Variants in EIF2AK1 observed in about 807,000 individuals in gnomAD.
EIF2AK1 encodes the protein eukaryotic translation initiation factor 2-alpha kinase 1.
A neutral mutation model predicts 77.9 loss-of-function variants in EIF2AK1; 54 were observed. The ratio of observed to expected loss-of-function variants is 0.69; its 90% CI spans 0.56 to 0.87. The LOEUF (loss-of-function observed/expected upper bound fraction) is 0.87, where lower values mean the gene tolerates loss of function less well. Among genes scored for constraint, EIF2AK1 ranks in the 40% least tolerant of loss-of-function variants. The pLI, the probability that EIF2AK1 is intolerant of heterozygous loss-of-function variation, is 0.00. For synonymous variants in EIF2AK1, 314 were observed against 290.5 expected, an observed-to-expected ratio of 1.08 and a Z score of -0.82; for missense variants, 810 against 768.6, an observed-to-expected ratio of 1.05 and a Z score of -0.64.
At chr7:6,057,341 G>T (rs1196770582) in intron 1 of EIF2AK1, among the ~76,000 whole-genome samples, 1 of 151,662 alleles carries the variant, frequency 6.6e-6, no homozygotes, top group African/African-American at 2.4e-5. Flanking sequence ...TTTCAACTCG[G>T]TTTGCACCTT....
In EIF2AK1 at chr7:6,033,359, C is replaced by T. The variant is rs538783003; in HGVS notation, c.1332+4065G>A. On this transcript the variant is annotated intron_variant, in intron 11 of 14. Transcript: ENST00000199389. This position sits in a 1 kb window ranked among gnomAD's most constrained non-coding sequence, Gnocchi z 4.4. ...TTTTCCACTTATGTTTGGACTTGTT[C>T]GTTCTTATGAATGAACCAATGTCTT... Among the ~76,000 whole-genome samples the T allele has an allele frequency of 2.6e-5, 4 of 151,996 alleles. No individual in the cohort carries two copies. The East Asian group carries it at 5.8e-4, about 22-fold the overall frequency.
rs1562740123 is a variant in EIF2AK1, at chr7:6,026,957, T to C, written c.1535A>G (p.Asp512Gly). 1 of 1,613,096 alleles carries C rather than the reference T, an allele frequency of 6.2e-7. No homozygotes were observed. The highest frequency in any genetic ancestry group is 1.3e-5 in the African/African-American group (1 of 74,882). ...CAGGACCACACCCAAGCTGTACATA[T>C]CTGACTGGAAAAAGAAAAAAAGGGG... ...LEGSEYDAKS[D>G]MYSLGVVLLE... Residue 512 changes from aspartate (D) to glycine (G), a missense_variant, in exon 14 of 15, where the codon GAT (aspartate) becomes GGT (glycine). By Grantham distance (94) the Asp-to-Gly change is moderately conservative. Transcript: ENST00000199389.
At chr7:6,058,853 G>T in intron 1 of EIF2AK1, 113 bp downstream of exon 1, 1 of 954,296 alleles carries the variant, frequency 1.0e-6, no homozygotes, top group Non-Finnish European at 1.5e-6. Flanking sequence ...TTCAACCCTG[G>T]AGGCAGCCAA....
intron 11 of EIF2AK1, among the ~76,000 whole-genome samples, chr7:6,031,088 T>C (rs1787896770): frequency 6.6e-6 from 1 of 152,238 alleles, no homozygotes; most frequent in Admixed American, 6.5e-5. Flanking sequence ...GATCATTGTT[T>C]CAGCTACACT....
At chr7:6,058,280 A>G in intron 1 of EIF2AK1, 1 of 408,448 alleles carries the variant, frequency 2.4e-6, no homozygotes, top group Non-Finnish European at 4.8e-6. Context: ...AGCTGGGCAC[A>G]GTGGTGTGCA....
chr7:6,039,438 G>T (rs191289699), intron 9 of EIF2AK1, among the ~76,000 whole-genome samples: 1 of 151,866 alleles, frequency 6.6e-6, no homozygotes, highest in Non-Finnish European at 1.5e-5. Context: ...TGAACAACAT[G>T]ATGAAACCTC....
intron 2 of EIF2AK1, among the ~76,000 whole-genome samples, chr7:6,050,369 A>G (rs560850116): frequency 2.2e-3 from 332 of 151,036 alleles, no homozygotes; most frequent in Middle Eastern, 0.01. Context: ...TAATTTTTCT[A>G]TTTTTAGTAA....
Position 6,033,055 on chromosome 7 carries a change from A to G in EIF2AK1, c.1333-4023T>C. 2.5e-6 allele frequency: 2 copies of G among 803,816 alleles called. No homozygotes were observed. The highest frequency in any genetic ancestry group is 3.8e-6 in the Non-Finnish European group (2 of 525,130). 49.8% of individuals were successfully genotyped at this position (803,816 alleles called of 1,614,324 possible). On this transcript the variant is annotated intron_variant, in intron 11 of 14. Transcript: ENST00000199389. The surrounding 1 kb of genome is among the most constrained non-coding windows in gnomAD (Gnocchi z 4.4). The stretch of plus-strand genomic sequence containing the variant: ...ACAATCTCGCCTCACTGCAACCTCT[A>G]CTTCCTGGGTTCAAGAGCTTCTCCC...
chr7:6,040,628 G>A (rs891656122), intron 9 of EIF2AK1, among the ~76,000 whole-genome samples: 2 of 152,274 alleles, frequency 1.3e-5, no homozygotes, highest in South Asian at 2.1e-4. Context: ...GTGTGAGTGA[G>A]GCCGCCAACT....
At chr7:6,056,937 TTC>T (rs1788791612) in intron 1 of EIF2AK1, among the ~76,000 whole-genome samples, 1 of 151,924 alleles carries the variant, frequency 6.6e-6, no homozygotes, top group Non-Finnish European at 1.5e-5. Flanking sequence ...TAAAATTTTC[TTC>T]TGTTAATAGC....
Position 6,036,270 on chromosome 7 carries a change from A to C in EIF2AK1, c.1332+1154T>G. The C allele has an allele frequency of 6.5e-7, 1 of 1,549,980 alleles. No homozygotes were observed. The highest frequency in any genetic ancestry group is 8.7e-7 in the Non-Finnish European group (1 of 1,146,868). On this transcript the variant is annotated intron_variant, in intron 11 of 14. Coordinates refer to ENST00000199389, the MANE Select transcript of EIF2AK1 (RefSeq NM_014413.4). The surrounding 1 kb of genome is among the most constrained non-coding windows in gnomAD (Gnocchi z 4.6). Reference sequence around the variant, plus strand: ...ACCTTTATCCCTACAGGGTATCTGCAAAAGAAACATCAGGAATATTTATGG... The same window carrying C: ...ACCTTTATCCCTACAGGGTATCTGCCAAAGAAACATCAGGAATATTTATGG...
Position 6,023,639 on chromosome 7 carries a change from G to A in EIF2AK1, c.*1034C>T, listed in dbSNP as rs1450412066. The A allele has an allele frequency of 2.7e-5, 43 of 1,614,016 alleles. No individual in the cohort carries two copies. Among genetic ancestry groups the A allele is most frequent in the Non-Finnish European group, 3.6e-5 (42 of 1,180,028 alleles). ...CCAGCCAATGTGCAGAGGTGGATGAGGTCTTGTGAAAACCTGGCTCCTTTT... is the reference window on the plus strand; with the variant it reads ...CCAGCCAATGTGCAGAGGTGGATGAAGTCTTGTGAAAACCTGGCTCCTTTT... On this transcript the variant is annotated 3_prime_UTR_variant, in exon 15 of 15. Transcript: ENST00000199389.
At chr7:6,026,680 A>G (rs1284175164) in intron 14 of EIF2AK1, 48 bp downstream of exon 14, 1 of 1,515,386 alleles carries the variant, frequency 6.6e-7, no homozygotes. Context: ...CAAGAGAGGC[A>G]ATAAAAACCA....
In EIF2AK1 at chr7:6,032,762, T is replaced by C. The variant is rs949438958; in HGVS notation, c.1333-3730A>G. 46 of 1,260,842 alleles carry C rather than the reference T, an allele frequency of 3.6e-5. No homozygotes were observed. The highest frequency in any genetic ancestry group is 5.1e-5 in the Non-Finnish European group (46 of 894,690). The allele number at this position is 1,260,842 out of a possible 1,614,324, so 78.1% of individuals were successfully genotyped here. A position where few individuals can be genotyped will look rare whatever the true frequency, so the allele number is the denominator to read the frequency against. On this transcript the variant is annotated intron_variant, in intron 11 of 14. Transcript: ENST00000199389. The surrounding 1 kb of genome is among the most constrained non-coding windows in gnomAD (Gnocchi z 4.3). ...AGACACTAAATAAATGTATTGCCTT[T>C]GAAACGGCAAGCTAACACAAACAGT...
At position 6,033,310 on chromosome 7, in the gene EIF2AK1, G is replaced by C. The variant is rs1163000760; in HGVS notation, c.1332+4114C>G. ...TCTAAGTGAGGATATACCTGATATA[G>C]ATTTTTTTTTCAGTTCATACATTTT... On this transcript the variant is annotated intron_variant, in intron 11 of 14. Coordinates refer to ENST00000199389, the MANE Select transcript of EIF2AK1 (RefSeq NM_014413.4). This position sits in a 1 kb window ranked among gnomAD's most constrained non-coding sequence, Gnocchi z 4.4. Among the ~76,000 whole-genome samples, 2 of 152,120 alleles carry C rather than the reference G, an allele frequency of 1.3e-5. No homozygotes were observed. The highest frequency in any genetic ancestry group is 2.9e-5 in the Non-Finnish European group (2 of 68,028).
chr7:6,043,481 T>A (rs1375606915), intron 7 of EIF2AK1, among the ~76,000 whole-genome samples: 2 of 152,114 alleles, frequency 1.3e-5, no homozygotes, highest in African/African-American at 4.8e-5. Context: ...CAGGGTGGAA[T>A]GCATTGGCAC....
chr7:6,037,401 A>G lies in EIF2AK1; in HGVS notation c.1332+23T>C, dbSNP rs202016296. On this transcript the variant is annotated intron_variant, in intron 11 of 14. Coordinates refer to ENST00000199389, the MANE Select transcript of EIF2AK1 (RefSeq NM_014413.4). ...TGATACAAAGCTCCCACTGCTTTCA[A>G]TGATTTCATCGCCCCCACTTACCTT... 42 of 1,516,752 alleles carry G rather than the reference A, an allele frequency of 2.8e-5. No individual in the cohort carries two copies. The South Asian group carries it at 4.2e-4, about 15-fold the overall frequency. The allele number at this position is 1,516,752 out of a possible 1,614,324, so 94.0% of individuals were successfully genotyped here. A position where few individuals can be genotyped will look rare whatever the true frequency, so the allele number is the denominator to read the frequency against.
At chr7:6,058,614 G>A (rs1788861666) in intron 1 of EIF2AK1, among the ~76,000 whole-genome samples, 1 of 152,226 alleles carries the variant, frequency 6.6e-6, no homozygotes, top group Non-Finnish European at 1.5e-5. Flanking sequence ...TCTCCTTGCA[G>A]TAATGAAAGA....
intron 8 of EIF2AK1, among the ~76,000 whole-genome samples, chr7:6,042,369 T>C (rs1788322558): frequency 1.3e-5 from 2 of 150,710 alleles, no homozygotes; most frequent in Non-Finnish European, 2.9e-5. Context: ...GAGGATCGCT[T>C]AAACCTGGGA....
Sources: allele counts gnomAD v4.1 joint callset (sites outside exome capture counted in the v4.1 genomes callset), GRCh38; gene constraint gnomAD v4.1.1; non-coding constraint Gnocchi (gnomAD v3.1); transcripts MANE v1.5; gene names NCBI Gene and HGNC (gene_info 2026-07-23, HGNC 2026-07-21).